The following RBM34 variants were observed in gnomAD, a reference collection of about 807,000 sequenced individuals.
RBM34 encodes RNA-binding protein 34.
RBM34 carries 39 observed loss-of-function variants against 44.6 expected under a neutral mutation model. That is an observed-to-expected ratio of 0.87 (90% CI 0.68 to 1.14). The LOEUF (loss-of-function observed/expected upper bound fraction) is 1.14, where lower values mean the gene tolerates loss of function less well. Among genes scored for constraint, RBM34 ranks in the 50% most tolerant of loss-of-function variants. The probability of loss-of-function intolerance (pLI) is 0.00; values close to 1 mark genes in which losing one functional copy is unlikely to be tolerated. For missense variants in RBM34, 572 were observed against 517.9 expected (o/e 1.10, Z -1.01); for synonymous variants, 194 against 184.0 (o/e 1.05, Z -0.44).
At chr1:235,147,741 C>T (rs1273220297) in intron 6 of RBM34, among the ~76,000 whole-genome samples, 1 of 152,084 alleles carries the variant, frequency 6.6e-6, no homozygotes, top group Non-Finnish European at 1.5e-5. Context: ...TTCTAAAGTA[C>T]ATTATTATAT....
chr1:235,137,996 A>C (rs1661500082), intron 7 of RBM34, 56 bp from the exon 8 acceptor site: 1 of 1,541,392 alleles, frequency 6.5e-7, no homozygotes, highest in Non-Finnish European at 8.9e-7. Context: ...TCGATTACTA[A>C]AACATCTATG....
chr1:235,149,756 GA>G (rs1215344181), intron 5 of RBM34, among the ~76,000 whole-genome samples: 2 of 152,158 alleles, frequency 1.3e-5, no homozygotes, highest in African/African-American at 4.8e-5. Flanking sequence ...AAGGTGAAAA[GA>G]TACCAACCCT....
intron 5 of RBM34, among the ~76,000 whole-genome samples, chr1:235,149,226 G>C (rs551683854): frequency 6.6e-6 from 1 of 151,520 alleles, no homozygotes; most frequent in Non-Finnish European, 1.5e-5. Flanking sequence ...ATCTCTACTA[G>C]AAATACAAAA....
intron 3 of RBM34, among the ~76,000 whole-genome samples, chr1:235,156,869 A>T (rs1662469490): frequency 6.6e-6 from 1 of 152,252 alleles, no homozygotes; most frequent in Non-Finnish European, 1.5e-5. Flanking sequence ...AAATGGTAAC[A>T]GCTATAATAC....
At chr1:235,136,196 C>T in intron 8 of RBM34, 123 bp from the exon 9 acceptor site, 3 of 766,746 alleles carry the variant, frequency 3.9e-6, no homozygotes, top group Middle Eastern at 4.7e-4. Flanking sequence ...AATTTAACCA[C>T]ACATCATGTT....
intron 5 of RBM34, among the ~76,000 whole-genome samples, 191 bp from the exon 6 acceptor site, chr1:235,148,638 A>G (rs1662016738): frequency 1.3e-5 from 2 of 150,074 alleles, no homozygotes; most frequent in South Asian, 2.1e-4. Flanking sequence ...TCACACTGTC[A>G]CCCAGGCTGG....
At chr1:235,153,955 G>A (rs1662280661) in intron 4 of RBM34, among the ~76,000 whole-genome samples, 1 of 152,016 alleles carries the variant, frequency 6.6e-6, no homozygotes, top group Admixed American at 6.6e-5. Context: ...GGTGTCAAGA[G>A]ACAGAACGAG....
intron 10 of RBM34, among the ~76,000 whole-genome samples, chr1:235,132,341 G>A (rs532619069): frequency 2.0e-5 from 3 of 151,596 alleles, no homozygotes; most frequent in South Asian, 2.1e-4. Context: ...ACGGAATCTC[G>A]CTCTGTTGCC....
At chr1:235,147,224 T>A (rs1661942363) in intron 6 of RBM34, among the ~76,000 whole-genome samples, 1 of 152,114 alleles carries the variant, frequency 6.6e-6, no homozygotes, top group Non-Finnish European at 1.5e-5. Context: ...GAGCAAGAGC[T>A]TGTATGTTAA....
At chr1:235,145,966 GTTTTTT>G (rs34111332) in intron 6 of RBM34, among the ~76,000 whole-genome samples, 53 of 77,216 alleles carry the variant, frequency 6.9e-4, no homozygotes, top group Non-Finnish European at 7.8e-4. Context: ...ATTACAGCAG[GTTTTTT>G]TTTTTTTTTT....
chr1:235,146,471 T>C (rs1371542447), intron 6 of RBM34, among the ~76,000 whole-genome samples: 1 of 152,152 alleles, frequency 6.6e-6, no homozygotes, highest in Non-Finnish European at 1.5e-5. Context: ...TAAATACCAG[T>C]GAGTTAAACT....
At chr1:235,161,109 C>G (rs1198474562) in intron 1 of RBM34, 42 bp from the exon 2 acceptor site, 2 of 1,606,274 alleles carry the variant, frequency 1.2e-6, no homozygotes, top group Non-Finnish European at 1.7e-6. Flanking sequence ...CACGCACCAC[C>G]GCTTCGCCAG....
At chr1:235,153,607 G>A (rs929206604) in intron 4 of RBM34, among the ~76,000 whole-genome samples, 1 of 152,064 alleles carries the variant, frequency 6.6e-6, no homozygotes, top group Non-Finnish European at 1.5e-5. Flanking sequence ...GGGACTTTTA[G>A]TAGAGAAGCG....
At chr1:235,132,078 T>A (rs1016488453) in intron 10 of RBM34, 81 bp from the exon 11 acceptor site, 9 of 1,333,952 alleles carry the variant, frequency 6.7e-6, no homozygotes, top group African/African-American at 4.4e-5. Flanking sequence ...CTTTAACAGA[T>A]GAGAACGACT....
At chr1:235,158,046 G>A (rs61837176) in intron 3 of RBM34, among the ~76,000 whole-genome samples, 1 of 146,000 alleles carries the variant, frequency 6.8e-6, no homozygotes, top group Middle Eastern at 3.7e-3. Context: ...GCAATTACAT[G>A]GGTTTTTTTT....
At chr1:235,132,456 G>C (rs1037688177) in intron 10 of RBM34, among the ~76,000 whole-genome samples, 2 of 151,958 alleles carry the variant, frequency 1.3e-5, no homozygotes, top group Non-Finnish European at 2.9e-5. Context: ...TTACAGGCGC[G>C]GGCCAACATA....
intron 3 of RBM34, among the ~76,000 whole-genome samples, chr1:235,159,457 A>C (rs1034842800): frequency 6.6e-6 from 1 of 151,688 alleles, no homozygotes; most frequent in Non-Finnish European, 1.5e-5. Flanking sequence ...CTGAGGCAGA[A>C]GAATCACTTG....
intron 4 of RBM34, 95 bp from the exon 5 acceptor site, chr1:235,152,860 T>C (rs1310280225): frequency 3.2e-6 from 3 of 929,168 alleles, no homozygotes; most frequent in East Asian, 5.7e-5. Context: ...GATAATCCTC[T>C]ACTGCCAGGC....
intron 10 of RBM34, among the ~76,000 whole-genome samples, chr1:235,133,841 G>A (rs932383549): frequency 3.9e-5 from 6 of 152,060 alleles, no homozygotes; most frequent in African/African-American, 7.2e-5. Context: ...CCAATACACC[G>A]TGGATATCAA....
Sources: allele counts gnomAD v4.1 joint callset (sites outside exome capture counted in the v4.1 genomes callset), GRCh38; gene constraint gnomAD v4.1.1; transcripts MANE v1.5; gene names NCBI Gene and HGNC (gene_info 2026-07-23, HGNC 2026-07-21).